KSR2: variants seen among roughly 807,000 people sequenced by gnomAD.
KSR2 encodes kinase suppressor of ras 2.
A neutral mutation model predicts 107.8 loss-of-function variants in KSR2; 25 were observed. The ratio of observed to expected loss-of-function variants is 0.23; its 90% CI spans 0.17 to 0.32. KSR2 has a LOEUF of 0.32. KSR2 is among the 10% of genes least tolerant of loss of function. The pLI, the probability that KSR2 is intolerant of heterozygous loss-of-function variation, is 1.00. For missense variants in KSR2, 887 were observed against 1,268.9 expected, an observed-to-expected ratio of 0.70 and a Z score of 4.57; for synonymous variants, 480 against 507.0, an observed-to-expected ratio of 0.95 and a Z score of 0.71.
intron 17 of KSR2, among the ~76,000 whole-genome samples, chr12:117,472,472 A>G (rs1465602607): frequency 2.0e-5 from 3 of 152,206 alleles, no homozygotes; most frequent in Non-Finnish European, 2.9e-5. Context: ...AGATTCCCCA[A>G]CTTAGGAAAT....
chr12:117,661,267 GA>G (rs71099069), intron 5 of KSR2, among the ~76,000 whole-genome samples: 98 of 149,776 alleles, frequency 6.5e-4, no homozygotes, highest in African/African-American at 1.8e-3. Flanking sequence ...TCCTGTACCA[GA>G]AAAAAAAAAA....
At chr12:117,609,613 C>T (rs1433151103) in intron 5 of KSR2, among the ~76,000 whole-genome samples, 5 of 152,196 alleles carry the variant, frequency 3.3e-5, no homozygotes, top group Non-Finnish European at 7.3e-5. Context: ...ACAGTTGCAC[C>T]TGCTCACTTT....
intron 4 of KSR2, among the ~76,000 whole-genome samples, chr12:117,727,576 T>C (rs1322609998): frequency 6.6e-6 from 1 of 151,548 alleles, no homozygotes; most frequent in East Asian, 1.9e-4. Flanking sequence ...ATGCCATGTG[T>C]AGCAGAGTTT....
chr12:117,637,643 G>T (rs969249767), intron 5 of KSR2, among the ~76,000 whole-genome samples: 15 of 148,598 alleles, frequency 1.0e-4, no homozygotes, highest in Non-Finnish European at 1.6e-4. Context: ...TGATTCAAGA[G>T]GCTAGAAATG....
intron 3 of KSR2, among the ~76,000 whole-genome samples, chr12:117,805,777 T>C (rs1343047401): frequency 1.3e-5 from 2 of 151,964 alleles, no homozygotes; most frequent in Non-Finnish European, 2.9e-5. Context: ...AGGTCGGGAG[T>C]TCGAGACCAG....
In KSR2 at chr12:117,512,998, G is replaced by A. The variant is rs147735783; in HGVS notation, c.2219+11854C>T. On this transcript the variant is annotated intron_variant, in intron 14 of 19. Transcript: ENST00000339824. ...GAGGAAAACCTCTCCTAGGATTTCT[G>A]TAGTTCACCGCCCACCCCTCCCCCC... Among the ~76,000 whole-genome samples, 687 of 152,208 alleles carry A rather than the reference G, an allele frequency of 4.5e-3. 5 individuals carry two copies. The highest frequency in any genetic ancestry group is 6.8e-3 in the Middle Eastern group (2 of 294).
chr12:117,968,022 A>C, intron 1 of KSR2, 54 bp downstream of exon 1: 1 of 1,374,472 alleles, frequency 7.3e-7, no homozygotes, highest in Non-Finnish European at 1.0e-6. Flanking sequence ...GGGGGAAAGA[A>C]GGATTGCTTT....
intron 10 of KSR2, among the ~76,000 whole-genome samples, chr12:117,537,365 A>G (rs1565889740): frequency 6.6e-6 from 1 of 152,230 alleles, no homozygotes. Context: ...ATTAGCAGTG[A>G]TGATGAGAAA....
chr12:117,809,652 T>C (rs924913968), intron 3 of KSR2, among the ~76,000 whole-genome samples: 4 of 152,248 alleles, frequency 2.6e-5, no homozygotes, highest in African/African-American at 9.6e-5. Flanking sequence ...ACTGAAATTA[T>C]ATTATGAATC....
intron 1 of KSR2, among the ~76,000 whole-genome samples, chr12:117,941,896 G>A (rs764139413): frequency 3.7e-4 from 55 of 149,030 alleles, no homozygotes; most frequent in Non-Finnish European, 6.5e-4. Flanking sequence ...ACCTGCCTCA[G>A]CCTCCCAGAG....
intron 3 of KSR2, among the ~76,000 whole-genome samples, chr12:117,809,219 G>C (rs538918190): frequency 6.6e-6 from 1 of 152,202 alleles, no homozygotes; most frequent in Non-Finnish European, 1.5e-5. Context: ...TAGATGTGCT[G>C]TTCCCTCTTC....
intron 1 of KSR2, among the ~76,000 whole-genome samples, chr12:117,874,354 T>C (rs2137296214): frequency 6.6e-6 from 1 of 152,180 alleles, no homozygotes; most frequent in Non-Finnish European, 1.5e-5. Context: ...CACCTCAGCT[T>C]CCCAAGTAGC....
intron 1 of KSR2, among the ~76,000 whole-genome samples, chr12:117,876,237 G>T (rs1466417674): frequency 6.6e-6 from 1 of 152,212 alleles, no homozygotes; most frequent in Non-Finnish European, 1.5e-5. Context: ...ACGGGGGAGA[G>T]AATTATTTGA....
At chr12:117,915,402 T>C (rs1895144329) in intron 1 of KSR2, among the ~76,000 whole-genome samples, 1 of 152,206 alleles carries the variant, frequency 6.6e-6, no homozygotes. Context: ...TGCCATCACA[T>C]TAAGGGTTAG....
chr12:117,792,256 A>C (rs1890277613), intron 3 of KSR2, among the ~76,000 whole-genome samples: 1 of 152,108 alleles, frequency 6.6e-6, no homozygotes, highest in Non-Finnish European at 1.5e-5. Flanking sequence ...GGGCTGAGGC[A>C]GGAGGATTGC....
intron 5 of KSR2, among the ~76,000 whole-genome samples, chr12:117,605,806 A>C (rs576937933): frequency 6.6e-6 from 1 of 152,354 alleles, no homozygotes; most frequent in African/African-American, 2.4e-5. Flanking sequence ...AAAAGGAATG[A>C]GATCATGACC....
At chr12:117,663,866 G>A (rs918632342) in intron 5 of KSR2, among the ~76,000 whole-genome samples, 2 of 152,142 alleles carry the variant, frequency 1.3e-5, no homozygotes, top group Non-Finnish European at 2.9e-5. Flanking sequence ...GGTTGTTGGG[G>A]TAAAGATGAT....
chr12:117,680,260 G>A (rs1885312770), intron 4 of KSR2, among the ~76,000 whole-genome samples: 1 of 152,190 alleles, frequency 6.6e-6, no homozygotes, highest in South Asian at 2.1e-4. Context: ...TTAATGATCA[G>A]TATAAATCCC....
chr12:117,539,663 C>CAAA, intron 10 of KSR2, 56 bp downstream of exon 10: 1 of 1,495,136 alleles, frequency 6.7e-7, no homozygotes, highest in Non-Finnish European at 8.9e-7. Flanking sequence ...CACCCCCTCC[C>CAAA]TAATCTCTGC....
Sources: allele counts gnomAD v4.1 joint callset (sites outside exome capture counted in the v4.1 genomes callset), GRCh38; gene constraint gnomAD v4.1.1; transcripts MANE v1.5; gene names NCBI Gene and HGNC (gene_info 2026-07-23, HGNC 2026-07-21).